Variants in ALMS1 observed in about 807,000 individuals in gnomAD.
ALMS1 encodes the protein centrosome-associated protein ALMS1.
In ALMS1, 271 loss-of-function variants were observed where a neutral mutation model predicts 352.2. That is an observed-to-expected ratio of 0.77 (90% CI 0.70 to 0.85). ALMS1 has a LOEUF of 0.85. ALMS1 is among the 40% of genes least tolerant of loss of function. The probability of loss-of-function intolerance (pLI) is 0.00; values close to 1 mark genes in which losing one functional copy is unlikely to be tolerated. For missense variants in ALMS1, 5,445 were observed against 4,870.7 expected (o/e 1.12, Z -3.51); for synonymous variants, 1,865 against 1,761.2 (o/e 1.06, Z -1.48).
At chr2:73,601,727 A>G (rs1675694345) in intron 19 of ALMS1, among the ~76,000 whole-genome samples, 1 of 152,122 alleles carries the variant, frequency 6.6e-6, no homozygotes, top group Non-Finnish European at 1.5e-5. Flanking sequence ...CTGTGTGTGG[A>G]GGGCCCGGAG....
At chr2:73,555,352 CTG>C in intron 13 of ALMS1, among the ~76,000 whole-genome samples, 1 of 152,212 alleles carries the variant, frequency 6.6e-6, no homozygotes, top group Admixed American at 6.5e-5. Context: ...GCATAACAAT[CTG>C]TGGAGAAAGG....
intron 17 of ALMS1, among the ~76,000 whole-genome samples, 192 bp from the exon 18 acceptor site, chr2:73,600,479 CTTTCTTT>C (rs1399315667): frequency 6.6e-6 from 1 of 152,130 alleles, no homozygotes. Context: ...AAATAAAACC[CTTTCTTT>C]TTTCTTTGCC....
chr2:73,597,262 T>C (rs1675572163), intron 16 of ALMS1, among the ~76,000 whole-genome samples: 2 of 152,314 alleles, frequency 1.3e-5, no homozygotes, highest in South Asian at 4.1e-4. Flanking sequence ...ATTGATTTTT[T>C]TATCTTATTG....
chr2:73,573,120 AT>A lies in ALMS1; in HGVS notation c.11244del (p.Asp3748GlufsTer19). On this transcript the variant is annotated frameshift_variant, in exon 16 of 23. Transcript: ENST00000613296. LOFTEE classifies it high-confidence loss of function. ...RPSEESELLT[D>X]TTTNILSGTT... The stretch of plus-strand genomic sequence containing the variant: ...TCAGAGGAGAGTGAGCTGCTCACAG[AT>A]ACTACCACCAACATCCTTTCCGGCA... 6.2e-7 allele frequency: 1 copy of A among 1,614,066 alleles called. No individual in the cohort carries two copies. Among genetic ancestry groups the A allele is most frequent in the Non-Finnish European group, 8.5e-7 (1 of 1,179,998 alleles).
chr2:73,497,446 G>A (rs1397154502), intron 10 of ALMS1, among the ~76,000 whole-genome samples: 1 of 152,016 alleles, frequency 6.6e-6, no homozygotes, highest in Non-Finnish European at 1.5e-5. Flanking sequence ...TAAGCCCATA[G>A]GTTTACAGGC....
chr2:73,584,323 T>G (rs960307555), intron 16 of ALMS1, among the ~76,000 whole-genome samples: 5 of 152,242 alleles, frequency 3.3e-5, no homozygotes, highest in African/African-American at 1.2e-4. Flanking sequence ...ACTTACATTT[T>G]ATAAGATCAT....
chr2:73,427,826 A>G (rs1275814852), intron 6 of ALMS1, among the ~76,000 whole-genome samples: 1 of 152,146 alleles, frequency 6.6e-6, no homozygotes, highest in East Asian at 1.9e-4. Flanking sequence ...TCCTTGTGAT[A>G]TAGCCTTATA....
At chr2:73,493,018 C>T (rs1400656583) in intron 10 of ALMS1, among the ~76,000 whole-genome samples, 3 of 146,994 alleles carry the variant, frequency 2.0e-5, no homozygotes, top group East Asian at 4.0e-4. Context: ...ATTTCATATA[C>T]AATTTTTAAA....
rs771066033 is a variant in ALMS1, at chr2:73,449,015, C to G, written c.2488C>G (p.Leu830Val). 6.2e-7 allele frequency: 1 copy of G among 1,613,946 alleles called. No homozygotes were observed. Among genetic ancestry groups the G allele is most frequent in the African/African-American group, 1.3e-5 (1 of 74,970 alleles). The change falls in exon 8 of 23, where the codon CTA becomes GTA. Residue 830 changes from leucine to valine, a missense_variant. Transcript: ENST00000613296. Reference protein sequence around the residue: ...FYQQALLDSHLPEEALKVSAV... With the variant: ...FYQQALLDSHVPEEALKVSAV... ...CCAACAGGCCTTGCTGGACAGCCATCTACCCGAAGAGGCTCTGAAAGTTTC... is the reference window on the plus strand; with the variant it reads ...CCAACAGGCCTTGCTGGACAGCCATGTACCCGAAGAGGCTCTGAAAGTTTC...
rs76159375 is a variant in ALMS1 at position 73,549,033 on chromosome 2, T to C, written c.9908-1234T>C. Among the ~76,000 whole-genome samples the C allele has an allele frequency of 9.8e-3, 1,499 of 152,326 alleles. 29 individuals carry two copies. The highest frequency in any genetic ancestry group is 0.034 in the African/African-American group (1,408 of 41,568). On this transcript the variant is annotated intron_variant, in intron 12 of 22. Transcript: ENST00000613296. Reference sequence around the variant, plus strand: ...CCTTGCAGTCTGTCCTGCAAAACTCTTCAGGGCTTACTGTGCACTGTACTA... The same window carrying C: ...CCTTGCAGTCTGTCCTGCAAAACTCCTCAGGGCTTACTGTGCACTGTACTA...
intron 9 of ALMS1, among the ~76,000 whole-genome samples, chr2:73,472,896 C>T (rs150420140): frequency 9.9e-5 from 15 of 152,104 alleles, no homozygotes; most frequent in Non-Finnish European, 2.1e-4. Context: ...TCTGTCATCA[C>T]GTGTCAAAAG....
At chr2:73,605,800 G>A (rs925608412) in intron 21 of ALMS1, among the ~76,000 whole-genome samples, 6 of 151,378 alleles carry the variant, frequency 4.0e-5, no homozygotes, top group African/African-American at 1.2e-4. Context: ...CCAAGATCGC[G>A]CCACTGCACA....
In ALMS1 at chr2:73,452,844, C is replaced by T. The variant is rs765640576; in HGVS notation, c.6317C>T (p.Pro2106Leu). 3.1e-6 allele frequency: 5 copies of T among 1,613,666 alleles called. No individual in the cohort carries two copies. Among genetic ancestry groups the T allele is most frequent in the Admixed American group, 1.7e-5 (1 of 59,938 alleles). ...AGAGAGAAATCGAATATTTTCAGTC[C>T]ACAGGAATTGCCAGGTAGTCATGTA... ...FHREKSNIFS[P>L]QELPGSHVTE... The change falls in exon 8 of 23, where the codon CCA (proline) becomes CTA (leucine). Residue 2106 changes from proline to leucine, a missense_variant. By Grantham distance (98) the Pro-to-Leu change is moderately conservative. Transcript: ENST00000613296.
intron 10 of ALMS1, among the ~76,000 whole-genome samples, chr2:73,505,163 G>A (rs1191096254): frequency 1.3e-5 from 2 of 152,160 alleles, no homozygotes; most frequent in Non-Finnish European, 2.9e-5. Flanking sequence ...TTGTTATTGT[G>A]AATAATGCTG....
chr2:73,497,040 A>G (rs1673121139), intron 10 of ALMS1, among the ~76,000 whole-genome samples: 1 of 152,182 alleles, frequency 6.6e-6, no homozygotes, highest in Admixed American at 6.5e-5. Context: ...TTCAAAAAAC[A>G]AAGGTGTTTC....
chr2:73,607,194 A>T (rs887416755), intron 21 of ALMS1, among the ~76,000 whole-genome samples: 2 of 152,184 alleles, frequency 1.3e-5, no homozygotes, highest in African/African-American at 2.4e-5. Context: ...CTGCATATAC[A>T]GGTTTGTGTC....
chr2:73,578,320 A>G (rs1440932718), intron 16 of ALMS1, among the ~76,000 whole-genome samples: 3 of 152,114 alleles, frequency 2.0e-5, no homozygotes, highest in Non-Finnish European at 2.9e-5. Context: ...GTCATTTTTT[A>G]TAAGCTATTC....
intron 3 of ALMS1, among the ~76,000 whole-genome samples, chr2:73,421,139 C>T (rs1202174790): frequency 6.6e-6 from 1 of 152,166 alleles, no homozygotes; most frequent in Non-Finnish European, 1.5e-5. Context: ...CAACTCCACC[C>T]TGAGATATTC....
chr2:73,608,831 A>G (rs1263040608), intron 22 of ALMS1, among the ~76,000 whole-genome samples: 1 of 152,254 alleles, frequency 6.6e-6, no homozygotes, highest in Non-Finnish European at 1.5e-5. Context: ...TTTCACACAC[A>G]GGAGTTCATT....
Sources: allele counts gnomAD v4.1 joint callset (sites outside exome capture counted in the v4.1 genomes callset), GRCh38; gene constraint gnomAD v4.1.1; transcripts MANE v1.5; gene names NCBI Gene and HGNC (gene_info 2026-07-23, HGNC 2026-07-21).